Variants in SLC15A5 observed in about 807,000 individuals in gnomAD.
The protein encoded by SLC15A5 is solute carrier family 15 member 5, also known as Peptide/histidine transporter ENSP00000340402.
In SLC15A5, 58 loss-of-function variants were observed where a neutral mutation model predicts 56.1. That is an observed-to-expected ratio of 1.03 (90% CI 0.84 to 1.29). SLC15A5 has a LOEUF of 1.29. Among genes scored for constraint, SLC15A5 ranks in the 50% most tolerant of loss-of-function variants. The pLI, the probability that SLC15A5 is intolerant of heterozygous loss-of-function variation, is 0.00. For missense variants in SLC15A5, 681 were observed against 672.1 expected, an observed-to-expected ratio of 1.01 and a Z score of -0.15; for synonymous variants, 264 against 250.5, an observed-to-expected ratio of 1.05 and a Z score of -0.51.
At chr12:16,208,418 C>T (rs1375997465) in intron 7 of SLC15A5, among the ~76,000 whole-genome samples, 2 of 152,158 alleles carry the variant, frequency 1.3e-5, no homozygotes, top group Non-Finnish European at 2.9e-5. Flanking sequence ...TTGCTATATT[C>T]CCATCTACTG....
intron 8 of SLC15A5, among the ~76,000 whole-genome samples, chr12:16,193,751 G>C (rs1425673915): frequency 7.2e-6 from 1 of 137,940 alleles, no homozygotes; most frequent in Non-Finnish European, 1.5e-5. Flanking sequence ...TTTCTCAAAA[G>C]TACACAGCTG....
At chr12:16,195,536 T>TATC (rs1275278426) in intron 7 of SLC15A5, among the ~76,000 whole-genome samples, 14 of 152,042 alleles carry the variant, frequency 9.2e-5, no homozygotes, top group African/African-American at 3.4e-4. Flanking sequence ...AACATGAAAT[T>TATC]ATCATCTTTG....
intron 8 of SLC15A5, among the ~76,000 whole-genome samples, chr12:16,190,406 G>A (rs1027464235): frequency 6.6e-6 from 1 of 152,116 alleles, no homozygotes; most frequent in African/African-American, 2.4e-5. Context: ...GCAGAGTTTG[G>A]ATTTGGAACC....
intron 8 of SLC15A5, among the ~76,000 whole-genome samples, chr12:16,190,860 A>G (rs552361801): frequency 6.6e-6 from 1 of 152,126 alleles, no homozygotes; most frequent in Non-Finnish European, 1.5e-5. Flanking sequence ...TTACTAGAAT[A>G]TTTGACAAAA....
intron 5 of SLC15A5, 55 bp from the exon 6 acceptor site, chr12:16,224,657 T>C (rs1338596639): frequency 1.4e-6 from 2 of 1,452,800 alleles, no homozygotes; most frequent in Non-Finnish European, 1.8e-6. Flanking sequence ...TAGAGATTCA[T>C]GTAATAAGCC....
chr12:16,271,610 G>A lies in SLC15A5; in HGVS notation c.584+951C>T, dbSNP rs1864758289. Among the ~76,000 whole-genome samples the A allele has an allele frequency of 7.3e-6, 1 of 137,788 alleles. No individual in the cohort carries two copies. Among genetic ancestry groups the A allele is most frequent in the Non-Finnish European group, 1.6e-5 (1 of 62,634 alleles). The allele number at this position is 137,788 out of a possible 152,430, so 90.4% of individuals were successfully genotyped here. A position where few individuals can be genotyped will look rare whatever the true frequency, so the allele number is the denominator to read the frequency against. The stretch of plus-strand genomic sequence containing the variant: ...AAGAAAAAGAAAGAAAGAGAAAAGA[G>A]GAACTGCCTCGGATAGCTACATATG... On this transcript the variant is annotated intron_variant, in intron 2 of 8. Coordinates refer to ENST00000344941, the MANE Select transcript of SLC15A5 (RefSeq NM_001170798.1). The surrounding 1 kb of genome is among the most constrained non-coding windows in gnomAD (Gnocchi z 8.0).
intron 7 of SLC15A5, among the ~76,000 whole-genome samples, chr12:16,210,131 G>GAT (rs1355460887): frequency 2.0e-5 from 3 of 152,090 alleles, no homozygotes; most frequent in Admixed American, 6.6e-5. Flanking sequence ...TGTGGGCCTT[G>GAT]ATATATGTGC....
At position 16,235,296 on chromosome 12, in the gene SLC15A5, G is replaced by A. The variant is rs11056835; in HGVS notation, c.1162+4385C>T. Among the ~76,000 whole-genome samples, 1 of 147,202 alleles carries A rather than the reference G, an allele frequency of 6.8e-6. No homozygotes were observed. On this transcript the variant is annotated intron_variant, in intron 5 of 8. Transcript: ENST00000344941. This position sits in a 1 kb window ranked among gnomAD's most constrained non-coding sequence, Gnocchi z 4.1. ...TGTATATATATGTATATATGTATAT[G>A]TATATGTATATATATGTATATATGT...
chr12:16,273,699 C>T lies in SLC15A5; in HGVS notation c.362-916G>A, dbSNP rs569602837. Among the ~76,000 whole-genome samples the T allele has an allele frequency of 5.3e-5, 8 of 150,896 alleles. No homozygotes were observed. In the South Asian group the frequency reaches 1.7e-3, roughly 31 times the overall value. ...ATAAAGTAACCCAGTTGTAATCTCC[C>T]TCTTCTTGGACCTCCTACCATCAAG... is the stretch of plus-strand genomic sequence containing the variant. On this transcript the variant is annotated intron_variant, in intron 1 of 8. Coordinates refer to ENST00000344941, the MANE Select transcript of SLC15A5 (RefSeq NM_001170798.1).
chr12:16,258,936 C>G (rs1268639789), intron 2 of SLC15A5, among the ~76,000 whole-genome samples: 1 of 149,410 alleles, frequency 6.7e-6, no homozygotes, highest in African/African-American at 2.5e-5. Flanking sequence ...TGGGTCCAAA[C>G]AAGTGTGGTC....
At chr12:16,246,129 G>A (rs2136792221) in intron 3 of SLC15A5, among the ~76,000 whole-genome samples, 1 of 152,252 alleles carries the variant, frequency 6.6e-6, no homozygotes, top group East Asian at 1.9e-4. Flanking sequence ...TGTGAAGTGT[G>A]TTTAGGTCAT....
At chr12:16,276,094 AG>A (rs1266451874) in intron 1 of SLC15A5, among the ~76,000 whole-genome samples, 2 of 152,044 alleles carry the variant, frequency 1.3e-5, no homozygotes, top group Admixed American at 1.3e-4. Context: ...TTGCATTTCC[AG>A]ACCCAGAATA....
Position 16,277,305 on chromosome 12 carries a change from A to G in SLC15A5, c.361+20T>C, listed in dbSNP as rs368195868. 4 of 1,485,332 alleles carry G rather than the reference A, an allele frequency of 2.7e-6. No homozygotes were observed. In the African/African-American group the frequency reaches 5.6e-5, roughly 21 times the overall value. The allele number at this position is 1,485,332 out of a possible 1,614,324, so 92.0% of individuals were successfully genotyped here. A position where few individuals can be genotyped will look rare whatever the true frequency, so the allele number is the denominator to read the frequency against. On this transcript the variant is annotated intron_variant, in intron 1 of 8. Transcript: ENST00000344941. ...ACTTAATTAAGTCACAAAACAATCCAGTCAGCAGAGGACACTCACCTAGAA... is the reference window on the plus strand; with the variant it reads ...ACTTAATTAAGTCACAAAACAATCCGGTCAGCAGAGGACACTCACCTAGAA...
intron 8 of SLC15A5, among the ~76,000 whole-genome samples, chr12:16,190,877 C>T (rs565297397): frequency 6.6e-6 from 1 of 152,154 alleles, no homozygotes; most frequent in Non-Finnish European, 1.5e-5. Context: ...AAAACAAGTG[C>T]AATATCAACT....
At chr12:16,208,673 AC>A (rs1478703696) in intron 7 of SLC15A5, among the ~76,000 whole-genome samples, 1 of 150,898 alleles carries the variant, frequency 6.6e-6, no homozygotes, top group Non-Finnish European at 1.5e-5. Flanking sequence ...TCTCTAAAAA[AC>A]CCCCCAAAAT....
intron 7 of SLC15A5, among the ~76,000 whole-genome samples, chr12:16,201,966 A>T (rs1863962104): frequency 6.6e-6 from 1 of 152,182 alleles, no homozygotes; most frequent in Non-Finnish European, 1.5e-5. Context: ...AACTCCAAAT[A>T]GATTAAAGGC....
chr12:16,258,070 A>G (rs1864595367), intron 2 of SLC15A5, among the ~76,000 whole-genome samples, 200 bp from the exon 3 acceptor site: 1 of 152,154 alleles, frequency 6.6e-6, no homozygotes, highest in Admixed American at 6.5e-5. Flanking sequence ...TCTTTGTTTT[A>G]TCCTTGTTTA....
rs1565666134 is a variant in SLC15A5 at position 16,235,246 on chromosome 12, G to GTATATATGTGTATATATATGTATATGTA, written c.1162+4407_1162+4434dup. Among the ~76,000 whole-genome samples the GTATATATGTGTATATATATGTATATGTA allele has an allele frequency of 1.6e-5, 2 of 124,216 alleles. No homozygotes were observed. Among genetic ancestry groups the GTATATATGTGTATATATATGTATATGTA allele is most frequent in the African/African-American group, 5.8e-5 (2 of 34,232 alleles). 81.5% of individuals were successfully genotyped at this position (124,216 alleles called of 152,430 possible). A position where few individuals can be genotyped will look rare whatever the true frequency, so the allele number is the denominator to read the frequency against. ...ATATACAAAACACGACATGTTATAAGTATATATGTGTATATATATGTATAT... is the reference window on the plus strand; with the variant it reads ...ATATACAAAACACGACATGTTATAAGTATATATGTGTATATATATGTATATGTATATATATGTGTATATATATGTATAT... On this transcript the variant is annotated intron_variant, in intron 5 of 8. Transcript: ENST00000344941. The surrounding 1 kb of genome is among the most constrained non-coding windows in gnomAD (Gnocchi z 4.1).
chr12:16,250,112 G>A (rs1591655499), intron 3 of SLC15A5, among the ~76,000 whole-genome samples: 1 of 152,028 alleles, frequency 6.6e-6, no homozygotes, highest in East Asian at 1.9e-4. Context: ...AATAGGCTTG[G>A]GTTCTGGTTC....
Sources: gnomAD v4.1 joint callset for allele counts (sites outside exome capture counted in the v4.1 genomes callset) on GRCh38, gnomAD v4.1.1 for gene constraint, Gnocchi (gnomAD v3.1) non-coding constraint, MANE v1.5 for transcripts, NCBI Gene and HGNC (gene_info 2026-07-23, HGNC 2026-07-21) for gene names.